Variants in PLCL2 observed in about 807,000 individuals in gnomAD.
PLCL2 encodes phospholipase C like 2.
A neutral mutation model predicts 79.6 loss-of-function variants in PLCL2; 4 were observed. The observed-to-expected ratio is 0.05, with a 90% CI of 0.02 to 0.11. PLCL2 has a LOEUF of 0.11. Among genes scored for constraint, PLCL2 ranks in the 10% least tolerant of loss-of-function variants. The pLI, the probability that PLCL2 is intolerant of heterozygous loss-of-function variation, is 1.00. For synonymous variants in PLCL2, 484 were observed against 457.7 expected, an observed-to-expected ratio of 1.06 and a Z score of -0.73; for missense variants, 895 against 1,291.0, an observed-to-expected ratio of 0.69 and a Z score of 4.70.
At chr3:16,905,627 T>C (rs1575521409) in intron 1 of PLCL2, among the ~76,000 whole-genome samples, 1 of 152,204 alleles carries the variant, frequency 6.6e-6, no homozygotes, top group East Asian at 1.9e-4. Flanking sequence ...TACCAAAAAA[T>C]TAATTGCAAA....
intron 1 of PLCL2, among the ~76,000 whole-genome samples, chr3:16,983,138 G>A (rs145595860): frequency 8.5e-4 from 129 of 152,288 alleles, no homozygotes; most frequent in African/African-American, 3.0e-3. Flanking sequence ...TCATTAGTGC[G>A]TATTACCTTG....
chr3:17,088,363 C>A (rs1473627476), intron 5 of PLCL2, among the ~76,000 whole-genome samples: 1 of 150,580 alleles, frequency 6.6e-6, no homozygotes, highest in African/African-American at 2.5e-5. Context: ...GTAAGTAGGA[C>A]AAAGAAAAGT....
chr3:17,009,333 G>A lies in PLCL2; in HGVS notation c.328-341G>A, dbSNP rs1559516821. ...GATGGGATCTCACTGTATTACCCAG[G>A]TTGGTCTCAAACTCCTCACCTCAAG... On this transcript the variant is annotated intron_variant, in intron 1 of 5. Coordinates refer to ENST00000615277, the MANE Select transcript of PLCL2 (RefSeq NM_001144382.2). This position sits in a 1 kb window ranked among gnomAD's most constrained non-coding sequence, Gnocchi z 4.0. Among the ~76,000 whole-genome samples the A allele has an allele frequency of 6.6e-6, 1 of 151,940 alleles. No homozygotes were observed. Among genetic ancestry groups the A allele is most frequent in the Non-Finnish European group, 1.5e-5 (1 of 68,006 alleles).
At chr3:16,895,570 A>C (rs1328351952) in intron 1 of PLCL2, among the ~76,000 whole-genome samples, 5 of 152,194 alleles carry the variant, frequency 3.3e-5, no homozygotes, top group African/African-American at 1.2e-4. Flanking sequence ...ATACACATAA[A>C]GTCCTTATAT....
At chr3:16,958,123 T>C (rs898714114) in intron 1 of PLCL2, among the ~76,000 whole-genome samples, 4 of 152,238 alleles carry the variant, frequency 2.6e-5, no homozygotes, top group African/African-American at 9.6e-5. Context: ...CTTCCTAGCC[T>C]TGATGGTCTT....
At chr3:17,047,255 C>T (rs1054307011) in intron 4 of PLCL2, among the ~76,000 whole-genome samples, 1 of 152,194 alleles carries the variant, frequency 6.6e-6, no homozygotes, top group Non-Finnish European at 1.5e-5. Flanking sequence ...GATCCCACAC[C>T]CACAAGGCCT....
chr3:17,017,658 G>A (rs991440986), intron 3 of PLCL2, among the ~76,000 whole-genome samples: 2 of 152,068 alleles, frequency 1.3e-5, no homozygotes, highest in Non-Finnish European at 2.9e-5. Context: ...GTATGGAGGC[G>A]AATGAGAAGT....
chr3:17,090,361 G>A lies in PLCL2; in HGVS notation c.*449G>A, dbSNP rs1265087560. On this transcript the variant is annotated 3_prime_UTR_variant, in exon 6 of 6. Transcript: ENST00000615277. ...TCTAGATGATTTTGGTGGCATGCTT[G>A]CTGAGCCATAATTACTAAAGAGAAT... 2 of 581,116 alleles carry A rather than the reference G, an allele frequency of 3.4e-6. No individual in the cohort carries two copies. The highest frequency in any genetic ancestry group is 4.3e-6 in the Non-Finnish European group (2 of 460,720). The allele number at this position is 581,116 out of a possible 1,614,324, so 36.0% of individuals were successfully genotyped here. A position where few individuals can be genotyped will look rare whatever the true frequency, so the allele number is the denominator to read the frequency against.
Position 17,019,662 on chromosome 3 carries a change from A to G in PLCL2, c.3018+4751A>G, listed in dbSNP as rs369573109. Among the ~76,000 whole-genome samples, 37 of 152,184 alleles carry G rather than the reference A, an allele frequency of 2.4e-4. 2 individuals carry two copies. Among genetic ancestry groups the G allele is most frequent in the East Asian group, 1.2e-3 (6 of 5,190 alleles). On this transcript the variant is annotated intron_variant, in intron 3 of 5. Coordinates refer to ENST00000615277, the MANE Select transcript of PLCL2 (RefSeq NM_001144382.2). Reference sequence around the variant, plus strand: ...AAAGATAGAAAATTCTTCATTTTGCATTTTCACATATATTAAAAGGCAGAT... The same window carrying G: ...AAAGATAGAAAATTCTTCATTTTGCGTTTTCACATATATTAAAAGGCAGAT...
chr3:17,010,768 A>G lies in PLCL2; in HGVS notation c.1422A>G (p.Val474=), dbSNP rs924628912. 1.4e-5 allele frequency: 23 copies of G among 1,614,172 alleles called. No individual in the cohort carries two copies. The highest frequency in any genetic ancestry group is 1.9e-5 in the Non-Finnish European group (22 of 1,180,000). The change falls in exon 2 of 6, where the codon GTA becomes GTG. Residue 474 remains valine, a synonymous_variant. Coordinates refer to ENST00000615277, the MANE Select transcript of PLCL2 (RefSeq NM_001144382.2). The surrounding 1 kb of genome is among the most constrained non-coding windows in gnomAD (Gnocchi z 5.8). ...KMGCRSVELD[V]WDGPDNEPVI... is the part of the protein sequence containing the mutation. ...GTTGCCGGAGTGTTGAATTAGATGT[A>G]TGGGATGGGCCGGACAATGAACCTG...
At chr3:16,901,271 G>GATT (rs1256441360) in intron 1 of PLCL2, among the ~76,000 whole-genome samples, 1 of 152,330 alleles carries the variant, frequency 6.6e-6, no homozygotes, top group East Asian at 1.9e-4. Flanking sequence ...CTGCTCCTGA[G>GATT]ATATTAAAGA....
intron 1 of PLCL2, among the ~76,000 whole-genome samples, chr3:16,980,785 T>G (rs1354765585): frequency 6.6e-6 from 1 of 152,006 alleles, no homozygotes; most frequent in Non-Finnish European, 1.5e-5. Flanking sequence ...CAAGGCAGGC[T>G]GCTGGGAGGT....
chr3:16,978,732 G>A (rs1280913322), intron 1 of PLCL2, among the ~76,000 whole-genome samples: 1 of 152,222 alleles, frequency 6.6e-6, no homozygotes, highest in Admixed American at 6.5e-5. Context: ...GTTGCCAGAG[G>A]ACATCGTGTC....
intron 1 of PLCL2, among the ~76,000 whole-genome samples, chr3:16,943,954 G>A (rs1256058973): frequency 6.6e-6 from 1 of 152,188 alleles, no homozygotes; most frequent in Non-Finnish European, 1.5e-5. Flanking sequence ...TTATGTTTAA[G>A]GTCACTTTTT....
intron 1 of PLCL2, among the ~76,000 whole-genome samples, chr3:16,955,479 T>A (rs2063696128): frequency 6.6e-6 from 1 of 152,188 alleles, no homozygotes; most frequent in Admixed American, 6.5e-5. Context: ...CCAGCTTTGT[T>A]CTTTTGGCTT....
intron 1 of PLCL2, among the ~76,000 whole-genome samples, chr3:16,901,476 C>T (rs1696617944): frequency 6.6e-6 from 1 of 152,238 alleles, no homozygotes; most frequent in Non-Finnish European, 1.5e-5. Context: ...GCAAGGGCAT[C>T]TATGTATGTC....
intron 5 of PLCL2, among the ~76,000 whole-genome samples, chr3:17,068,687 TA>T (rs1426914897): frequency 6.6e-6 from 1 of 152,200 alleles, no homozygotes; most frequent in Non-Finnish European, 1.5e-5. Flanking sequence ...AAAAGAGCAA[TA>T]ATCAAAGGTA....
chr3:16,892,759 T>C (rs1696380517), intron 1 of PLCL2, among the ~76,000 whole-genome samples: 1 of 152,198 alleles, frequency 6.6e-6, no homozygotes, highest in Non-Finnish European at 1.5e-5. Flanking sequence ...CATCGTCTCA[T>C]GCAAGTCTCA....
At chr3:16,939,795 C>T (rs1383373987) in intron 1 of PLCL2, among the ~76,000 whole-genome samples, 2 of 152,148 alleles carry the variant, frequency 1.3e-5, no homozygotes, top group Non-Finnish European at 2.9e-5. Flanking sequence ...GATTTCCACT[C>T]CGTGTTTTCC....
Sources: gnomAD v4.1 joint callset for allele counts (sites outside exome capture counted in the v4.1 genomes callset) on GRCh38, gnomAD v4.1.1 for gene constraint, Gnocchi (gnomAD v3.1) non-coding constraint, MANE v1.5 for transcripts, NCBI Gene and HGNC (gene_info 2026-07-23, HGNC 2026-07-21) for gene names.